Variants in MOXD1 observed in about 807,000 individuals in gnomAD.
MOXD1 encodes monooxygenase DBH like 1.
In MOXD1, 62 loss-of-function variants were observed where a neutral mutation model predicts 66.6. The ratio of observed to expected loss-of-function variants is 0.93; its 90% CI spans 0.76 to 1.15. The LOEUF (loss-of-function observed/expected upper bound fraction) is 1.15. MOXD1 is among the 50% of genes most tolerant of loss of function. The probability of loss-of-function intolerance (pLI) is 0.00; values close to 1 mark genes in which losing one functional copy is unlikely to be tolerated. For missense variants in MOXD1, 847 were observed against 754.6 expected, an observed-to-expected ratio of 1.12 and a Z score of -1.44; for synonymous variants, 303 against 281.9, an observed-to-expected ratio of 1.07 and a Z score of -0.75.
chr6:132,298,595 G>T (rs1586045668), intron 10 of MOXD1, among the ~76,000 whole-genome samples: 1 of 152,040 alleles, frequency 6.6e-6, no homozygotes, highest in East Asian at 1.9e-4. Flanking sequence ...AATGTGATTT[G>T]ATCAATGCTT....
Position 132,374,623 on chromosome 6 carries a change from T to C in MOXD1, c.411+8A>G, listed in dbSNP as rs200205128. On this transcript the variant is annotated splice_region_variant and intron_variant, in intron 2 of 11. Coordinates refer to ENST00000367963, the MANE Select transcript of MOXD1 (RefSeq NM_015529.4). ...GTTCATGCATGCATTCACTCATAGA[T>C]GCCTTACCGTTATACTCTTGTCATT... is the stretch of plus-strand genomic sequence containing the variant. The C allele has an allele frequency of 1.7e-4, 280 of 1,613,372 alleles. 3 individuals carry two copies. In the East Asian group the frequency reaches 6.2e-3, roughly 36 times the overall value.
intron 10 of MOXD1, among the ~76,000 whole-genome samples, chr6:132,304,032 G>A (rs1774632248): frequency 6.6e-6 from 1 of 151,382 alleles, no homozygotes; most frequent in Non-Finnish European, 1.5e-5. Flanking sequence ...AATAGCCCAG[G>A]TTCTGTTCCA....
At position 132,349,440 on chromosome 6, in the gene MOXD1, T is replaced by TATATATAC. The variant is rs1775750184; in HGVS notation, c.664-20847_664-20846insGTATATAT. On this transcript the variant is annotated intron_variant, in intron 4 of 11. Transcript: ENST00000367963. ...ATATATACATATATATATATACATA[T>TATATATAC]ATATATATATACATATATATATATA... 1.4e-4 allele frequency among the ~76,000 whole-genome samples: 9 copies of TATATATAC among 66,096 alleles called. 1 individual carries two copies. The highest frequency in any genetic ancestry group is 8.1e-4 in the African/African-American group (7 of 8,602). The allele number at this position is 66,096 out of a possible 152,430, so 43.4% of individuals were successfully genotyped here.
At chr6:132,358,980 G>A (rs1343384042) in intron 4 of MOXD1, among the ~76,000 whole-genome samples, 1 of 152,068 alleles carries the variant, frequency 6.6e-6, no homozygotes, top group Non-Finnish European at 1.5e-5. Flanking sequence ...AAATTATTAA[G>A]AAAACACAGC....
chr6:132,301,474 T>C (rs1027544170), intron 10 of MOXD1, among the ~76,000 whole-genome samples: 1 of 152,146 alleles, frequency 6.6e-6, no homozygotes, highest in Non-Finnish European at 1.5e-5. Context: ...CTCTGTTCTA[T>C]ATAAATTGAA....
intron 4 of MOXD1, among the ~76,000 whole-genome samples, chr6:132,367,869 C>G (rs1776178502): frequency 6.6e-6 from 1 of 151,944 alleles, no homozygotes; most frequent in Non-Finnish European, 1.5e-5. Context: ...CTGAACTATC[C>G]ATCCAGTCAC....
chr6:132,326,776 A>C (rs1254870962), intron 6 of MOXD1, among the ~76,000 whole-genome samples: 1 of 152,210 alleles, frequency 6.6e-6, no homozygotes, highest in African/African-American at 2.4e-5. Context: ...ACTATTTCCT[A>C]TTAATTACTT....
chr6:132,319,322 A>G (rs577633255), intron 9 of MOXD1, among the ~76,000 whole-genome samples: 1 of 152,112 alleles, frequency 6.6e-6, no homozygotes, highest in African/African-American at 2.4e-5. Context: ...GAATAATATC[A>G]AATTTATGAG....
intron 1 of MOXD1, among the ~76,000 whole-genome samples, chr6:132,393,100 G>A (rs76240941): frequency 0.03 from 4,623 of 152,200 alleles, 233 homozygotes; most frequent in African/African-American, 0.11. Flanking sequence ...TATAGAATAG[G>A]AGGACAGTTG....
chr6:132,378,427 A>C (rs1384757288), intron 1 of MOXD1, among the ~76,000 whole-genome samples: 1 of 152,188 alleles, frequency 6.6e-6, no homozygotes, highest in Non-Finnish European at 1.5e-5. Context: ...GTTATGATGC[A>C]TGAGAGCTCC....
At chr6:132,329,604 GAGA>G (rs1562283966) in intron 4 of MOXD1, among the ~76,000 whole-genome samples, 1 of 152,068 alleles carries the variant, frequency 6.6e-6, no homozygotes, top group Non-Finnish European at 1.5e-5. Flanking sequence ...GCATGGTGCT[GAGA>G]AGAAGGCTAG....
chr6:132,304,372 G>C (rs1051768054), intron 10 of MOXD1, among the ~76,000 whole-genome samples: 1 of 152,190 alleles, frequency 6.6e-6, no homozygotes, highest in Non-Finnish European at 1.5e-5. Flanking sequence ...AAATTACCCA[G>C]TCTAAGCTAT....
At chr6:132,390,273 C>T (rs1314128214) in intron 1 of MOXD1, 1 of 151,440 alleles carries the variant, frequency 6.6e-6, no homozygotes, top group Non-Finnish European at 1.5e-5. Flanking sequence ...ATGCCTATGC[C>T]AGATCATCTT....
At chr6:132,353,483 T>A (rs1775844846) in intron 4 of MOXD1, among the ~76,000 whole-genome samples, 1 of 152,224 alleles carries the variant, frequency 6.6e-6, no homozygotes, top group Non-Finnish European at 1.5e-5. Context: ...ATTCTGAAGA[T>A]AAAGCCTCAA....
At chr6:132,361,421 C>A (rs916983232) in intron 4 of MOXD1, among the ~76,000 whole-genome samples, 3 of 151,772 alleles carry the variant, frequency 2.0e-5, no homozygotes, top group African/African-American at 7.3e-5. Context: ...TAGTATATTT[C>A]GATAGACATT....
chr6:132,399,181 T>C (rs945703101), intron 1 of MOXD1, among the ~76,000 whole-genome samples: 1 of 152,170 alleles, frequency 6.6e-6, no homozygotes, highest in Admixed American at 6.5e-5. Context: ...TGTCTTTCCA[T>C]TTAATTGAAT....
At chr6:132,351,543 T>C (rs917421203) in intron 4 of MOXD1, among the ~76,000 whole-genome samples, 3 of 152,154 alleles carry the variant, frequency 2.0e-5, no homozygotes, top group African/African-American at 4.8e-5. Flanking sequence ...TTTGGCTAGC[T>C]AGCATTTTAT....
chr6:132,360,561 A>G (rs1239387371), intron 4 of MOXD1, among the ~76,000 whole-genome samples: 1 of 150,256 alleles, frequency 6.7e-6, no homozygotes, highest in Non-Finnish European at 1.5e-5. Flanking sequence ...TATTCTTTCC[A>G]TATGGCATGG....
At chr6:132,349,454 T>TATATATATATATAC (rs1775753485) in intron 4 of MOXD1, among the ~76,000 whole-genome samples, 1 of 25,520 alleles carries the variant, frequency 3.9e-5, no homozygotes, top group Non-Finnish European at 6.7e-5. Context: ...TATATATACA[T>TATATATATATATAC]ATATATATAT....
Sources: allele counts gnomAD v4.1 joint callset (sites outside exome capture counted in the v4.1 genomes callset), GRCh38; gene constraint gnomAD v4.1.1; transcripts MANE v1.5; gene names NCBI Gene and HGNC (gene_info 2026-07-23, HGNC 2026-07-21).